Variants in TMCC1 observed in about 807,000 individuals in gnomAD.
TMCC1 encodes the protein transmembrane and coiled-coil domains protein 1.
TMCC1 carries 15 observed loss-of-function variants against 52.4 expected under a neutral mutation model. That is an observed-to-expected ratio of 0.29 (90% CI 0.19 to 0.44). The LOEUF (loss-of-function observed/expected upper bound fraction) is 0.44. Among genes scored for constraint, TMCC1 ranks in the 20% least tolerant of loss-of-function variants. The pLI is 1.00. For synonymous variants in TMCC1, 279 were observed against 301.9 expected (o/e 0.92, Z 0.79); for missense variants, 503 against 806.0 (o/e 0.62, Z 4.55).
chr3:129,711,352 T>C (rs1290991264), intron 4 of TMCC1, among the ~76,000 whole-genome samples: 1 of 152,200 alleles, frequency 6.6e-6, no homozygotes, highest in Non-Finnish European at 1.5e-5. Flanking sequence ...ATATACATCA[T>C]ATGGTAACAC....
At chr3:129,850,286 T>C (rs1005822646) in intron 2 of TMCC1, among the ~76,000 whole-genome samples, 2 of 152,180 alleles carry the variant, frequency 1.3e-5, no homozygotes, top group Non-Finnish European at 2.9e-5. Context: ...AGAATCTTAG[T>C]TTTTTTCTCT....
At chr3:129,762,674 TG>T (rs1206641707) in intron 4 of TMCC1, among the ~76,000 whole-genome samples, 1 of 152,082 alleles carries the variant, frequency 6.6e-6, no homozygotes, top group East Asian at 1.9e-4. Flanking sequence ...CCCAGCTACT[TG>T]GGAGTCTGAG....
intron 4 of TMCC1, among the ~76,000 whole-genome samples, chr3:129,823,964 C>T (rs2058543446): frequency 6.6e-6 from 1 of 152,202 alleles, no homozygotes; most frequent in East Asian, 1.9e-4. Context: ...AAAGAGTGAA[C>T]TCTACTTTCC....
intron 4 of TMCC1, among the ~76,000 whole-genome samples, chr3:129,716,087 T>C (rs1467035274): frequency 1.3e-5 from 2 of 151,972 alleles, no homozygotes; most frequent in African/African-American, 2.4e-5. Context: ...GACAACAGTC[T>C]ATTTACAACA....
chr3:129,654,952 T>C lies in TMCC1; in HGVS notation c.1647+16A>G. Reference sequence around the variant, plus strand: ...CCTACTGTATTTTGCATTTACACCTTTTCCTTCATACTAACCTGGATGTCC... The same window carrying C: ...CCTACTGTATTTTGCATTTACACCTCTTCCTTCATACTAACCTGGATGTCC... On this transcript the variant is annotated intron_variant, in intron 6 of 6. Transcript: ENST00000393238. 1 of 1,612,598 alleles carries C rather than the reference T, an allele frequency of 6.2e-7. No individual in the cohort carries two copies. Among genetic ancestry groups the C allele is most frequent in the Non-Finnish European group, 8.5e-7 (1 of 1,179,342 alleles).
At chr3:129,774,787 T>C (rs556623814) in intron 4 of TMCC1, among the ~76,000 whole-genome samples, 3 of 152,138 alleles carry the variant, frequency 2.0e-5, no homozygotes, top group Non-Finnish European at 2.9e-5. Flanking sequence ...AAGAAATAAA[T>C]AGTAGTTTTG....
intron 2 of TMCC1, among the ~76,000 whole-genome samples, chr3:129,874,162 A>G (rs575044009): frequency 6.6e-6 from 1 of 152,358 alleles, no homozygotes; most frequent in East Asian, 1.9e-4. Context: ...TGGTTTCAAC[A>G]TCTGCATATT....
At chr3:129,805,652 G>C (rs1324493424) in intron 4 of TMCC1, among the ~76,000 whole-genome samples, 1 of 152,254 alleles carries the variant, frequency 6.6e-6, no homozygotes, top group Admixed American at 6.5e-5. Flanking sequence ...AACATTTCTG[G>C]CTGGACTGGG....
At chr3:129,766,537 T>C (rs1009101316) in intron 4 of TMCC1, among the ~76,000 whole-genome samples, 4 of 152,220 alleles carry the variant, frequency 2.6e-5, no homozygotes, top group African/African-American at 9.6e-5. Context: ...AATTAACAAA[T>C]GTTAGCTATT....
rs1048900913 is a variant in TMCC1 at position 129,651,526 on chromosome 3, G to A, written c.1917C>T (p.Asp639=). 10 of 1,614,004 alleles carry A rather than the reference G, an allele frequency of 6.2e-6. No individual in the cohort carries two copies. The highest frequency in any genetic ancestry group is 4.4e-5 in the South Asian group (4 of 91,074). ...ACCGTTCCACATAGCTGAAGAGGGC[G>A]TCCCAGTGCTTCCAGAGAAAGGCAA... ...VFIAFLWKHW[D]ALFSYVERFF... Residue 639 remains aspartate, a synonymous_variant, in exon 7 of 7, where the codon GAC becomes GAT. Transcript: ENST00000393238. This position sits in a 1 kb window ranked among gnomAD's most constrained non-coding sequence, Gnocchi z 5.1.
chr3:129,753,868 G>A (rs9847826), intron 4 of TMCC1, among the ~76,000 whole-genome samples: 1 of 149,258 alleles, frequency 6.7e-6, no homozygotes, highest in African/African-American at 2.5e-5. Context: ...AAAATAAATA[G>A]AAAGCATACA....
At chr3:129,865,350 C>A (rs2060575894) in intron 2 of TMCC1, among the ~76,000 whole-genome samples, 1 of 151,436 alleles carries the variant, frequency 6.6e-6, no homozygotes. Context: ...GGGGTTTTGC[C>A]ATGTTGCCCA....
chr3:129,711,183 T>A (rs1255073764), intron 4 of TMCC1, among the ~76,000 whole-genome samples: 2 of 152,186 alleles, frequency 1.3e-5, no homozygotes, highest in African/African-American at 4.8e-5. Flanking sequence ...TTTATATCCA[T>A]GCTTAGTTTC....
intron 3 of TMCC1, among the ~76,000 whole-genome samples, chr3:129,830,933 ATTTTTG>A (rs2058878448): frequency 6.6e-6 from 1 of 152,184 alleles, no homozygotes; most frequent in Admixed American, 6.6e-5. Context: ...AAAACAATTT[ATTTTTG>A]TTTTTGTTTT....
At position 129,771,797 on chromosome 3, in the gene TMCC1, A is replaced by AAAAAAAAAAAAAG. The variant is rs60824072; in HGVS notation, c.576+56005_576+56006insCTTTTTTTTTTTT. Among the ~76,000 whole-genome samples, 65 of 86,886 alleles carry AAAAAAAAAAAAAG rather than the reference A, an allele frequency of 7.5e-4. 1 individual carries two copies. Among genetic ancestry groups the AAAAAAAAAAAAAG allele is most frequent in the East Asian group, 1.5e-3 (3 of 1,980 alleles). 57.0% of individuals were successfully genotyped at this position (86,886 alleles called of 152,430 possible). A position where few individuals can be genotyped will look rare whatever the true frequency, so the allele number is the denominator to read the frequency against. On this transcript the variant is annotated intron_variant, in intron 4 of 6. Coordinates refer to ENST00000393238, the MANE Select transcript of TMCC1 (RefSeq NM_001017395.5). ...CTCAAAAAAAAAAAAAAAAAAAAAAAAAGAAGAAGAAGAAAAAACAATTGA... is the reference window on the plus strand; with the variant it reads ...CTCAAAAAAAAAAAAAAAAAAAAAAAAAAAAAAAAAAAGAAGAAGAAGAAGAAAAAACAATTGA...
At chr3:129,730,513 CATGTGTACCCTTTTACTAAT>C (rs1331209367) in intron 4 of TMCC1, among the ~76,000 whole-genome samples, 1 of 152,178 alleles carries the variant, frequency 6.6e-6, no homozygotes, top group Non-Finnish European at 1.5e-5. Context: ...CATTAATCTA[CATGTGTACCCTTTTACTAAT>C]ATGGCCTCAT....
rs56383150 is a variant in TMCC1 at position 129,870,718 on chromosome 3, CGGGGGGGGGGGGG to C, written c.-184+9578_-184+9590del. Among the ~76,000 whole-genome samples, 4 of 13,902 alleles carry C rather than the reference CGGGGGGGGGGGGG, an allele frequency of 2.9e-4. 1 individual carries two copies. Among genetic ancestry groups the C allele is most frequent in the South Asian group, 4.5e-3 (1 of 222 alleles). 9.1% of individuals were successfully genotyped at this position (13,902 alleles called of 152,430 possible). On this transcript the variant is annotated intron_variant, in intron 2 of 6. Coordinates refer to ENST00000393238, the MANE Select transcript of TMCC1 (RefSeq NM_001017395.5). ...CGTGCCACTGCACTCCGCGGGTTGG[CGGGGGGGGGGGGG>C]GGGGGGCGACAGAGCAAGACTCCAT...
intron 2 of TMCC1, among the ~76,000 whole-genome samples, chr3:129,844,495 C>A (rs1400904058): frequency 2.0e-5 from 3 of 152,244 alleles, no homozygotes; most frequent in South Asian, 4.1e-4. Context: ...TAACAATGCC[C>A]AACATTCGGT....
intron 2 of TMCC1, among the ~76,000 whole-genome samples, chr3:129,845,454 T>C (rs1377773786): frequency 6.6e-6 from 1 of 152,162 alleles, no homozygotes; most frequent in Non-Finnish European, 1.5e-5. Flanking sequence ...AGTATACTTA[T>C]CTCAAAATGA....
Sources: gnomAD v4.1 joint callset for allele counts (sites outside exome capture counted in the v4.1 genomes callset) on GRCh38, gnomAD v4.1.1 for gene constraint, Gnocchi (gnomAD v3.1) non-coding constraint, MANE v1.5 for transcripts, NCBI Gene and HGNC (gene_info 2026-07-23, HGNC 2026-07-21) for gene names.